Variants in CENPU observed in about 807,000 individuals in gnomAD.
The protein encoded by CENPU is KSHV latent nuclear antigen interacting protein 1.
A neutral mutation model predicts 56.7 loss-of-function variants in CENPU; 46 were observed. That is an observed-to-expected ratio of 0.81 (90% CI 0.64 to 1.04). The LOEUF is 1.04. Among genes scored for constraint, CENPU ranks in the 50% least tolerant of loss-of-function variants. CENPU has a pLI of 0.00. For synonymous variants in CENPU, 166 were observed against 163.0 expected (o/e 1.02, Z -0.14); for missense variants, 510 against 490.1 (o/e 1.04, Z -0.38).
At chr4:184,712,792 A>G in intron 7 of CENPU, 152 bp downstream of exon 7, 1 of 571,496 alleles carries the variant, frequency 1.7e-6, no homozygotes. Context: ...AACGTTAGAA[A>G]AAAATGTTAC....
chr4:184,707,928 A>C lies in CENPU; in HGVS notation c.797+2144T>G, dbSNP rs527871589. ...AAAACATGAATACAAGACACAAAGC[A>C]AGCAGCAGAAATAGCTGGGCGCGGT... On this transcript the variant is annotated intron_variant, in intron 8 of 12. Coordinates refer to ENST00000281453, the MANE Select transcript of CENPU (RefSeq NM_024629.4). Among the ~76,000 whole-genome samples the C allele has an allele frequency of 6.6e-5, 10 of 152,308 alleles. No homozygotes were observed. The South Asian group carries it at 2.1e-3, about 32-fold the overall frequency.
chr4:184,695,423 A>G (rs1451175257), intron 12 of CENPU, 22 bp from the exon 13 acceptor site: 3 of 1,530,594 alleles, frequency 2.0e-6, no homozygotes, highest in Non-Finnish European at 2.7e-6. Context: ...AAATTATATA[A>G]TTAGCAATAT....
At chr4:184,724,665 A>G (rs1000680972) in intron 4 of CENPU, among the ~76,000 whole-genome samples, 1 of 152,214 alleles carries the variant, frequency 6.6e-6, no homozygotes, top group African/African-American at 2.4e-5. Flanking sequence ...ATCACCTAAC[A>G]TTCTATGCTT....
rs971260934 is a variant in CENPU at position 184,707,680 on chromosome 4, G to A, written c.797+2392C>T. 4.6e-5 allele frequency among the ~76,000 whole-genome samples: 7 copies of A among 152,184 alleles called. No homozygotes were observed. In the East Asian group the frequency reaches 1.3e-3, roughly 29 times the overall value. ...GCACTGACGGGCACTAACAGGGACT[G>A]GGGTTTGGCCTTCTTCTATACATAC... On this transcript the variant is annotated intron_variant, in intron 8 of 12. Coordinates refer to ENST00000281453, the MANE Select transcript of CENPU (RefSeq NM_024629.4).
intron 8 of CENPU, among the ~76,000 whole-genome samples, chr4:184,705,160 A>G (rs1325445210): frequency 5.9e-5 from 9 of 152,186 alleles, no homozygotes; most frequent in Admixed American, 2.0e-4. Flanking sequence ...ACAGCCCCAA[A>G]CTGGAAACAA....
Position 184,702,156 on chromosome 4 carries a change from C to T in CENPU, c.877-20G>A, listed in dbSNP as rs576419944. The T allele has an allele frequency of 6.3e-7, 1 of 1,577,610 alleles. No homozygotes were observed. Among genetic ancestry groups the T allele is most frequent in the African/African-American group, 1.4e-5 (1 of 73,798 alleles). On this transcript the variant is annotated intron_variant, in intron 9 of 12. Transcript: ENST00000281453. Reference sequence around the variant, plus strand: ...TTTAAGCTACACAAAACAAAAAATACACATGTACATCAGTTTCCAAAAGTA... The same window carrying T: ...TTTAAGCTACACAAAACAAAAAATATACATGTACATCAGTTTCCAAAAGTA...
At chr4:184,717,251 G>A in intron 4 of CENPU, 55 bp from the exon 5 acceptor site, 4 of 1,293,718 alleles carry the variant, frequency 3.1e-6, no homozygotes, top group Middle Eastern at 1.9e-4. Context: ...ATATTCACAT[G>A]TCTTCTCTAA....
At chr4:184,711,273 T>C (rs193221163) in intron 7 of CENPU, among the ~76,000 whole-genome samples, 152 of 152,320 alleles carry the variant, frequency 1.0e-3, no homozygotes, top group African/African-American at 3.5e-3. Context: ...GGATTCACTT[T>C]TAAAATTTTA....
At chr4:184,704,265 C>T (rs1760645833) in intron 8 of CENPU, among the ~76,000 whole-genome samples, 1 of 151,980 alleles carries the variant, frequency 6.6e-6, no homozygotes, top group Non-Finnish European at 1.5e-5. Context: ...TTGTAGAAAA[C>T]AGGTCTCATT....
At chr4:184,727,609 T>C (rs1333033745) in intron 3 of CENPU, among the ~76,000 whole-genome samples, 1 of 152,020 alleles carries the variant, frequency 6.6e-6, no homozygotes, top group African/African-American at 2.4e-5. Flanking sequence ...CCTCAAAAAG[T>C]TAAAAATAGA....
At chr4:184,712,813 C>T (rs1432362116) in intron 7 of CENPU, 131 bp downstream of exon 7, 3 of 644,262 alleles carry the variant, frequency 4.7e-6, no homozygotes, top group South Asian at 1.9e-5. Context: ...TCCAAAGTCA[C>T]ATATTCCTAA....
At chr4:184,733,280 C>G in intron 1 of CENPU, 2 of 982,994 alleles carry the variant, frequency 2.0e-6, no homozygotes, top group Non-Finnish European at 1.2e-6. Context: ...TCCACCCTAA[C>G]CCCGCATCTA....
chr4:184,697,879 G>T, intron 11 of CENPU, 76 bp from the exon 12 acceptor site: 2 of 1,199,234 alleles, frequency 1.7e-6, no homozygotes, highest in Non-Finnish European at 2.3e-6. Flanking sequence ...AGTACGCTGA[G>T]CGAGTGTGAA....
intron 4 of CENPU, among the ~76,000 whole-genome samples, chr4:184,719,602 G>C (rs996118704): frequency 6.6e-6 from 1 of 152,168 alleles, no homozygotes; most frequent in Non-Finnish European, 1.5e-5. Flanking sequence ...TCCTAGTGCT[G>C]AGCTGGGCTT....
At chr4:184,698,460 G>A (rs543215296) in intron 11 of CENPU, 1 of 152,166 alleles carries the variant, frequency 6.6e-6, no homozygotes, top group African/African-American at 2.4e-5. Flanking sequence ...TTTTTTGTTT[G>A]TTTTTTTGAG....
chr4:184,705,804 G>C (rs768782733), intron 8 of CENPU, among the ~76,000 whole-genome samples: 22 of 152,188 alleles, frequency 1.4e-4, no homozygotes, highest in Non-Finnish European at 1.2e-4. Flanking sequence ...TCTGATGCAA[G>C]CTATCACACA....
chr4:184,712,857 T>A, intron 7 of CENPU, 87 bp downstream of exon 7: 2 of 908,752 alleles, frequency 2.2e-6, no homozygotes, highest in Non-Finnish European at 3.4e-6. Context: ...TACTTACAAT[T>A]TACTACTATA....
chr4:184,727,538 C>T (rs1411585250), intron 3 of CENPU, among the ~76,000 whole-genome samples: 2 of 152,108 alleles, frequency 1.3e-5, no homozygotes, highest in African/African-American at 2.4e-5. Flanking sequence ...TGTGCAGAAA[C>T]GGGAACTCTC....
chr4:184,699,423 A>G (rs1278763524), intron 11 of CENPU, among the ~76,000 whole-genome samples: 2 of 152,240 alleles, frequency 1.3e-5, no homozygotes, highest in Non-Finnish European at 2.9e-5. Flanking sequence ...GACTGTAGCT[A>G]TAACCACTTA....
Sources: allele counts gnomAD v4.1 joint callset (sites outside exome capture counted in the v4.1 genomes callset), GRCh38; gene constraint gnomAD v4.1.1; transcripts MANE v1.5; gene names NCBI Gene and HGNC (gene_info 2026-07-23, HGNC 2026-07-21).